Variants in GAS2L3 observed in about 807,000 individuals in gnomAD.
The protein encoded by GAS2L3 is GAS2-like protein 3.
Under a neutral mutation model 37.0 loss-of-function variants are expected in GAS2L3, and 28 were observed. That is an observed-to-expected ratio of 0.76 (90% CI 0.56 to 1.04). GAS2L3 has a LOEUF of 1.04. GAS2L3 is among the 50% of genes least tolerant of loss of function. GAS2L3 has a pLI of 0.00. For synonymous variants in GAS2L3, 290 were observed against 296.6 expected (o/e 0.98, Z 0.23); for missense variants, 793 against 817.6 (o/e 0.97, Z 0.37).
chr12:100,624,792 A>G lies in GAS2L3; in HGVS notation c.1987A>G (p.Lys663Glu). 6.2e-7 allele frequency: 1 copy of G among 1,613,994 alleles called. No individual in the cohort carries two copies. The highest frequency in any genetic ancestry group is 1.1e-5 in the South Asian group (1 of 91,076). Reference sequence around the variant, plus strand: ...AATCAGGAAACCACCCTCATCTGTTAAGGATGCAGATAGTGGAGATAAAAA... The same window carrying G: ...AATCAGGAAACCACCCTCATCTGTTGAGGATGCAGATAGTGGAGATAAAAA... ...ASIRKPPSSV[K>E]DADSGDKKPT... is the part of the protein sequence containing the mutation. The change falls in exon 10 of 10, where the codon AAG becomes GAG. Residue 663 changes from lysine (K) to glutamate (E), a missense_variant. Physicochemically the swap from Lys to Glu is moderately conservative, Grantham distance 56 (BLOSUM62 1). Transcript: ENST00000547754.
intron 1 of GAS2L3, among the ~76,000 whole-genome samples, chr12:100,574,798 AC>A (rs1955614991): frequency 6.6e-6 from 1 of 152,196 alleles, no homozygotes; most frequent in Non-Finnish European, 1.5e-5. Context: ...TGAAATTCTC[AC>A]CACCTCAGAT....
chr12:100,593,783 G>A (rs1020483473), intron 2 of GAS2L3: 1 of 152,110 alleles, frequency 6.6e-6, no homozygotes, highest in East Asian at 1.9e-4. Context: ...AGCATAACAA[G>A]CTCATTAGGA....
At chr12:100,581,354 G>A (rs1955709474) in intron 1 of GAS2L3, among the ~76,000 whole-genome samples, 1 of 152,096 alleles carries the variant, frequency 6.6e-6, no homozygotes. Flanking sequence ...CAGAGCCATG[G>A]GTTTTTTAAC....
Position 100,623,778 on chromosome 12 carries a change from A to C in GAS2L3, c.973A>C (p.Met325Leu). Residue 325 changes from methionine to leucine, a missense_variant, in exon 10 of 10, where the codon ATG becomes CTG. Met to Leu is a conservative substitution (Grantham distance 15). Coordinates refer to ENST00000547754, the MANE Select transcript of GAS2L3 (RefSeq NM_174942.3). Reference protein sequence around the residue: ...PEMNPLSAVNMFQKQNSKPSV... With the variant: ...PEMNPLSAVNLFQKQNSKPSV... ...AATGAATCCTTTGTCAGCAGTTAAC[A>C]TGTTTCAGAAACAAAATTCAAAACC... 3 of 1,614,136 alleles carry C rather than the reference A, an allele frequency of 1.9e-6. No homozygotes were observed. Among genetic ancestry groups the C allele is most frequent in the South Asian group, 1.1e-5 (1 of 91,082 alleles).
At chr12:100,602,440 G>A (rs1211007434) in intron 5 of GAS2L3, among the ~76,000 whole-genome samples, 4 of 151,550 alleles carry the variant, frequency 2.6e-5, no homozygotes, top group Non-Finnish European at 5.9e-5. Context: ...GGGGATAGTG[G>A]ATGATATGTG....
chr12:100,617,091 TC>T (rs1956196862), intron 6 of GAS2L3, among the ~76,000 whole-genome samples: 1 of 152,150 alleles, frequency 6.6e-6, no homozygotes, highest in South Asian at 2.1e-4. Context: ...TGGGTTTTTT[TC>T]CTTTATTCTG....
intron 1 of GAS2L3, among the ~76,000 whole-genome samples, chr12:100,591,376 A>C (rs1017078290): frequency 6.6e-6 from 1 of 152,212 alleles, no homozygotes; most frequent in Non-Finnish European, 1.5e-5. Flanking sequence ...TATGTTAAAT[A>C]AATTCCTAAA....
At chr12:100,620,493 G>A (rs984514349) in intron 8 of GAS2L3, among the ~76,000 whole-genome samples, 70 of 151,926 alleles carry the variant, frequency 4.6e-4, no homozygotes, top group African/African-American at 1.7e-3. Flanking sequence ...CTGATTGTGG[G>A]TTAGTGCTGA....
chr12:100,600,600 T>C (rs1346851523), intron 4 of GAS2L3, 50 bp downstream of exon 4: 4 of 1,339,524 alleles, frequency 3.0e-6, no homozygotes, highest in African/African-American at 2.9e-5. Flanking sequence ...TCAATATGCA[T>C]TTATTGAGAG....
intron 5 of GAS2L3, among the ~76,000 whole-genome samples, chr12:100,602,657 C>G (rs1405522443): frequency 6.6e-6 from 1 of 151,588 alleles, no homozygotes; most frequent in Non-Finnish European, 1.5e-5. Flanking sequence ...CAATTGTACT[C>G]TTTTAGTTAT....
chr12:100,601,348 T>G (rs1447727357), intron 4 of GAS2L3, among the ~76,000 whole-genome samples: 1 of 152,146 alleles, frequency 6.6e-6, no homozygotes, highest in Non-Finnish European at 1.5e-5. Flanking sequence ...TTATAGAGAC[T>G]GTTTTTCTTG....
intron 1 of GAS2L3, among the ~76,000 whole-genome samples, chr12:100,581,377 A>G (rs1277597860): frequency 6.6e-6 from 1 of 152,212 alleles, no homozygotes; most frequent in Non-Finnish European, 1.5e-5. Flanking sequence ...CAAATTATCC[A>G]CATGGTGTGT....
intron 2 of GAS2L3, among the ~76,000 whole-genome samples, chr12:100,592,720 A>G (rs1166757932): frequency 2.0e-5 from 3 of 152,114 alleles, no homozygotes. Context: ...TGATCTATGC[A>G]TAAGAGTGTC....
rs569289876 is a variant in GAS2L3 at position 100,615,369 on chromosome 12, G to T, written c.446-2375G>T. Among the ~76,000 whole-genome samples the T allele has an allele frequency of 2.6e-5, 4 of 151,824 alleles. No homozygotes were observed. The South Asian group carries it at 8.3e-4, about 32-fold the overall frequency. ...GGTCATTTACCCTTTTTGTCAACTT[G>T]CAAGAATTCTTTATATATTCTAGAT... is the stretch of plus-strand genomic sequence containing the variant. On this transcript the variant is annotated intron_variant, in intron 6 of 9. Transcript: ENST00000547754.
At chr12:100,622,877 G>A (rs565776624) in intron 9 of GAS2L3, among the ~76,000 whole-genome samples, 1 of 149,652 alleles carries the variant, frequency 6.7e-6, no homozygotes, top group South Asian at 2.1e-4. Context: ...ATGTATACCA[G>A]TATGCTGATA....
At position 100,624,633 on chromosome 12, in the gene GAS2L3, C is replaced by T. The variant is rs147943339; in HGVS notation, c.1828C>T (p.Arg610Cys). The T allele has an allele frequency of 2.7e-5, 44 of 1,614,044 alleles. No homozygotes were observed. The highest frequency in any genetic ancestry group is 3.3e-4 in the Middle Eastern group (2 of 6,062). ...ACCCAGCTCCTTGAAGTCTCCTGGC[C>T]GTACCCCACTGTCCATCGTGAGCCT... The part of the protein sequence containing the change: ...TGPSSLKSPG[R>C]TPLSIVSLPQ... Residue 610 changes from arginine to cysteine, a missense_variant, in exon 10 of 10, where the codon CGT (arginine) becomes TGT (cysteine). Physicochemically the swap from Arg to Cys is radical, Grantham distance 180. Coordinates refer to ENST00000547754, the MANE Select transcript of GAS2L3 (RefSeq NM_174942.3).
At chr12:100,577,440 T>G (rs1955651113) in intron 1 of GAS2L3, among the ~76,000 whole-genome samples, 1 of 152,202 alleles carries the variant, frequency 6.6e-6, no homozygotes, top group South Asian at 2.1e-4. Context: ...TAAAATTAAG[T>G]TATTCAGGTT....
chr12:100,612,962 C>T (rs1174987956), intron 6 of GAS2L3, among the ~76,000 whole-genome samples: 1 of 152,176 alleles, frequency 6.6e-6, no homozygotes, highest in Non-Finnish European at 1.5e-5. Context: ...CCTTATTGCC[C>T]TCACACAGGG....
Position 100,627,144 on chromosome 12 carries a change from C to T in GAS2L3, c.*2254C>T, listed in dbSNP as rs1299165463. On this transcript the variant is annotated 3_prime_UTR_variant, in exon 10 of 10. Coordinates refer to ENST00000547754, the MANE Select transcript of GAS2L3 (RefSeq NM_174942.3). ...AAGGTTTATTTGAATAATTGGAAGT[C>T]AGTTTATACATTACTATTTTTCAGC... Among the ~76,000 whole-genome samples the T allele has an allele frequency of 3.3e-5, 5 of 151,484 alleles. No homozygotes were observed. Among genetic ancestry groups the T allele is most frequent in the Non-Finnish European group, 7.4e-5 (5 of 67,918 alleles).
Sources: allele counts gnomAD v4.1 joint callset (sites outside exome capture counted in the v4.1 genomes callset), GRCh38; gene constraint gnomAD v4.1.1; transcripts MANE v1.5; gene names NCBI Gene and HGNC (gene_info 2026-07-23, HGNC 2026-07-21).